STPG2: variants seen among roughly 807,000 people sequenced by gnomAD.
STPG2 encodes the protein sperm-tail PG-rich repeat-containing protein 2.
STPG2 carries 56 observed loss-of-function variants against 54.2 expected under a neutral mutation model. That is an observed-to-expected ratio of 1.03 (90% CI 0.83 to 1.29). STPG2 has a LOEUF of 1.29. STPG2 is among the 50% of genes most tolerant of loss of function. STPG2 has a pLI of 0.00. For synonymous variants in STPG2, 200 were observed against 181.8 expected, an observed-to-expected ratio of 1.10 and a Z score of -0.81; for missense variants, 596 against 544.9, an observed-to-expected ratio of 1.09 and a Z score of -0.93.
At chr4:97,534,648 A>C (rs1731489699) in intron 4 of STPG2, among the ~76,000 whole-genome samples, 1 of 152,298 alleles carries the variant, frequency 6.6e-6, no homozygotes, top group East Asian at 1.9e-4. Flanking sequence ...AGTTACATAC[A>C]TTAAACTTTA....
intron 8 of STPG2, among the ~76,000 whole-genome samples, chr4:97,942,524 T>C (rs1733027747): frequency 1.3e-5 from 2 of 152,040 alleles, no homozygotes; most frequent in African/African-American, 4.8e-5. Context: ...AAAAATCTCA[T>C]AGAATAGAAC....
At chr4:97,720,350 T>C (rs527337349) in intron 9 of STPG2, among the ~76,000 whole-genome samples, 9 of 152,040 alleles carry the variant, frequency 5.9e-5, no homozygotes, top group Non-Finnish European at 1.3e-4. Context: ...GGAATATCCC[T>C]GAGAGGGTAG....
At chr4:97,712,923 CA>C (rs1384250780) in intron 9 of STPG2, 109 bp from the exon 10 acceptor site, 2 of 608,036 alleles carry the variant, frequency 3.3e-6, no homozygotes, top group Admixed American at 7.5e-5. Flanking sequence ...TAGCATGAAA[CA>C]ATCTTGAACC....
intron 8 of STPG2, among the ~76,000 whole-genome samples, chr4:97,846,400 T>C (rs1054641171): frequency 2.0e-5 from 3 of 151,470 alleles, no homozygotes; most frequent in Non-Finnish European, 4.4e-5. Context: ...GCCGAGGCGG[T>C]TGGATCACGA....
intron 8 of STPG2, among the ~76,000 whole-genome samples, chr4:97,898,930 G>C (rs1014991835): frequency 6.6e-6 from 1 of 151,264 alleles, no homozygotes; most frequent in Non-Finnish European, 1.5e-5. Flanking sequence ...AACTTTAAGA[G>C]GTGAACTCCT....
chr4:97,644,546 C>T (rs1299185412), intron 10 of STPG2, among the ~76,000 whole-genome samples: 2 of 151,948 alleles, frequency 1.3e-5, no homozygotes, highest in Non-Finnish European at 2.9e-5. Flanking sequence ...ACGTGTCCTA[C>T]CTTTTAATAC....
intron 5 of STPG2, among the ~76,000 whole-genome samples, chr4:98,010,619 A>T (rs1735715285): frequency 6.6e-6 from 1 of 152,318 alleles, no homozygotes; most frequent in South Asian, 2.1e-4. Flanking sequence ...GAAGAATTTA[A>T]TACTCTTACA....
At chr4:97,589,056 GCCT>G (rs1490568581) in intron 10 of STPG2, among the ~76,000 whole-genome samples, 2 of 152,028 alleles carry the variant, frequency 1.3e-5, no homozygotes, top group Non-Finnish European at 1.5e-5. Context: ...ATTCCAGAGT[GCCT>G]ACTCTTAAGT....
intron 9 of STPG2, among the ~76,000 whole-genome samples, chr4:97,796,421 C>T (rs986775697): frequency 1.3e-5 from 2 of 152,114 alleles, no homozygotes; most frequent in Admixed American, 1.3e-4. Flanking sequence ...CTACATATGG[C>T]TAGCCAGTTT....
At chr4:97,477,507 C>G (rs1467600074) in intron 4 of STPG2, among the ~76,000 whole-genome samples, 1 of 140,722 alleles carries the variant, frequency 7.1e-6, no homozygotes, top group Non-Finnish European at 1.5e-5. Flanking sequence ...GACTGACTCT[C>G]GCTCTGTTGC....
At chr4:97,546,869 T>C (rs1033545184) in intron 4 of STPG2, among the ~76,000 whole-genome samples, 3 of 152,192 alleles carry the variant, frequency 2.0e-5, no homozygotes, top group Non-Finnish European at 4.4e-5. Context: ...CCAACTTCAC[T>C]GGCAGTCATA....
intron 8 of STPG2, among the ~76,000 whole-genome samples, chr4:97,912,634 G>C (rs2149201115): frequency 6.6e-6 from 1 of 152,134 alleles, no homozygotes; most frequent in South Asian, 2.1e-4. Flanking sequence ...GAATGAGAAG[G>C]AATGAACAAA....
intron 8 of STPG2, among the ~76,000 whole-genome samples, chr4:97,920,451 C>A (rs1002529410): frequency 6.6e-6 from 1 of 152,194 alleles, no homozygotes; most frequent in Non-Finnish European, 1.5e-5. Context: ...GTAAAAGTTT[C>A]TCTACCGACT....
intron 5 of STPG2, among the ~76,000 whole-genome samples, chr4:98,083,120 T>C (rs767030043): frequency 1.3e-5 from 2 of 152,088 alleles, no homozygotes; most frequent in Non-Finnish European, 2.9e-5. Flanking sequence ...GTACCATTCT[T>C]CTCCTTCACT....
intron 8 of STPG2, among the ~76,000 whole-genome samples, chr4:97,909,870 C>A (rs1327012228): frequency 6.6e-6 from 1 of 152,062 alleles, no homozygotes; most frequent in African/African-American, 2.4e-5. Context: ...CCCCCAGAAA[C>A]AAGCTAAGGA....
chr4:97,815,159 G>T (rs1032329329), intron 9 of STPG2, among the ~76,000 whole-genome samples: 3 of 152,134 alleles, frequency 2.0e-5, no homozygotes, highest in Non-Finnish European at 2.9e-5. Context: ...CATAATGGTA[G>T]CGAAAGAAAG....
At chr4:97,965,579 A>T (rs1414232835) in intron 7 of STPG2, among the ~76,000 whole-genome samples, 1 of 152,190 alleles carries the variant, frequency 6.6e-6, no homozygotes, top group Admixed American at 6.5e-5. Flanking sequence ...ACTAGGAGAC[A>T]CTTCCCAGAA....
chr4:97,648,514 A>G (rs1044304483), intron 10 of STPG2, among the ~76,000 whole-genome samples: 28 of 152,272 alleles, frequency 1.8e-4, no homozygotes, highest in Admixed American at 2.6e-4. Context: ...TCTTATGCTT[A>G]AGGTATGCTG....
chr4:97,627,973 T>G (rs1439346304), intron 10 of STPG2, among the ~76,000 whole-genome samples: 4 of 152,132 alleles, frequency 2.6e-5, no homozygotes, highest in Non-Finnish European at 5.9e-5. Flanking sequence ...TATTCAGACA[T>G]TCAAAGGATT....
Sources: allele counts gnomAD v4.1 joint callset (sites outside exome capture counted in the v4.1 genomes callset), GRCh38; gene constraint gnomAD v4.1.1; transcripts MANE v1.5; gene names NCBI Gene and HGNC (gene_info 2026-07-23, HGNC 2026-07-21).